The following ERCC5 variants were observed in gnomAD, a reference collection of about 807,000 sequenced individuals.
ERCC5 encodes the protein ERCC excision repair 5, endonuclease.
In ERCC5, 68 loss-of-function variants were observed where a neutral mutation model predicts 105.6. That is an observed-to-expected ratio of 0.64 (90% CI 0.53 to 0.79). The LOEUF (loss-of-function observed/expected upper bound fraction) is 0.79, where lower values mean the gene tolerates loss of function less well. Ranked by LOEUF, ERCC5 falls within the 30% of genes least tolerant of loss-of-function variation. ERCC5 has a pLI of 0.00. For missense variants in ERCC5, 1,373 were observed against 1,426.7 expected (o/e 0.96, Z 0.61); for synonymous variants, 546 against 526.2 (o/e 1.04, Z -0.51).
At chr13:102,863,219 G>C in intron 8 of ERCC5, 116 bp downstream of exon 8, 1 of 1,194,382 alleles carries the variant, frequency 8.4e-7, no homozygotes, top group South Asian at 1.4e-5. Context: ...AACGAGAGAC[G>C]TAGAAAGAAA....
chr13:102,861,586 A>T lies in ERCC5; in HGVS notation c.752A>T (p.Gln251Leu), dbSNP rs1221206176. Residue 251 changes from glutamine (Q) to leucine (L), a missense_variant, in exon 7 of 15, where the codon CAA becomes CTA. By Grantham distance (113) the Gln-to-Leu change is moderately radical. Around this residue, in one of 3 missense-constraint regions of ERCC5, gnomAD observed 1,004 missense variants for 1,059.7 expected, o/e 0.95. Coordinates refer to ENST00000652225, the MANE Select transcript of ERCC5 (RefSeq NM_000123.4). ...CTGAACCAGCATATAGAACATGTCCAAAAGGAAATGAATCAGCAACATTCA... is the reference window on the plus strand; with the variant it reads ...CTGAACCAGCATATAGAACATGTCCTAAAGGAAATGAATCAGCAACATTCA... ...NYLNQHIEHVQKEMNQQHSGH... is the reference protein window; with the variant it reads ...NYLNQHIEHVLKEMNQQHSGH... The T allele has an allele frequency of 6.2e-7, 1 of 1,614,192 alleles. No individual in the cohort carries two copies. Among genetic ancestry groups the T allele is most frequent in the South Asian group, 1.1e-5 (1 of 91,084 alleles).
At chr13:102,854,860 C>A (rs1271026035) in intron 4 of ERCC5, among the ~76,000 whole-genome samples, 5 of 152,218 alleles carry the variant, frequency 3.3e-5, no homozygotes, top group Admixed American at 6.5e-5. Flanking sequence ...GCTTTCTGCT[C>A]AGCCTCTCTG....
chr13:102,867,972 A>G (rs1339117404), intron 11 of ERCC5, 141 bp from the exon 12 acceptor site: 1 of 868,276 alleles, frequency 1.2e-6, no homozygotes, highest in Non-Finnish European at 1.7e-6. Context: ...GAATAAAATA[A>G]TTTATTTTCA....
rs1178939397 is a variant in ERCC5, at chr13:102,861,809, T to A, written c.880+95T>A. 4.1e-6 allele frequency: 6 copies of A among 1,469,878 alleles called. No individual in the cohort carries two copies. In the Middle Eastern group the frequency reaches 5.5e-4, roughly 135 times the overall value. The allele number at this position is 1,469,878 out of a possible 1,614,324, so 91.1% of individuals were successfully genotyped here. A position where few individuals can be genotyped will look rare whatever the true frequency, so the allele number is the denominator to read the frequency against. On this transcript the variant is annotated intron_variant, in intron 7 of 14. Transcript: ENST00000652225. The stretch of plus-strand genomic sequence containing the variant: ...AACTAGCACCCCTGGATAATATTAA[T>A]GAAATTCTATTTATGTAATAACTGT...
At position 102,858,410 on chromosome 13, in the gene ERCC5, A is replaced by C; in HGVS notation, c.664A>C (p.Met222Leu). The C allele has an allele frequency of 6.2e-7, 1 of 1,614,140 alleles. No homozygotes were observed. Among genetic ancestry groups the C allele is most frequent in the Non-Finnish European group, 8.5e-7 (1 of 1,179,990 alleles). ...GCGCAGAAGAACATTATTTGAAGCA[A>C]TGCCAGAGGTGAAATATGCAACAGT... ...TKRRRTLFEA[M>L]PEESDDFSQY... Residue 222 changes from methionine (M) to leucine (L), a missense_variant, in exon 6 of 15, where the codon ATG (methionine) becomes CTG (leucine). Coordinates refer to ENST00000652225, the MANE Select transcript of ERCC5 (RefSeq NM_000123.4).
In ERCC5 at chr13:102,865,663, A is replaced by G. The variant is rs1419158080; in HGVS notation, c.1955-4A>G. Reference sequence around the variant, plus strand: ...GATGAAGTGACCTTTTAATTTTGGTACAGGAAGTTTCATTGAAGTGCAAAG... The same window carrying G: ...GATGAAGTGACCTTTTAATTTTGGTGCAGGAAGTTTCATTGAAGTGCAAAG... On this transcript the variant is annotated splice_polypyrimidine_tract_variant and splice_region_variant and intron_variant, in intron 8 of 14. Transcript: ENST00000652225. The surrounding 1 kb of genome is among the most constrained non-coding windows in gnomAD (Gnocchi z 4.0). The G allele has an allele frequency of 1.2e-6, 2 of 1,613,424 alleles. No homozygotes were observed. The highest frequency in any genetic ancestry group is 1.1e-5 in the South Asian group (1 of 90,960).
Position 102,864,126 on chromosome 13 carries a change from C to CCACACACACACACACACACACA in ERCC5, c.1954+1042_1954+1063dup, listed in dbSNP as rs10647676. Among the ~76,000 whole-genome samples the CCACACACACACACACACACACA allele has an allele frequency of 5.0e-5, 7 of 140,976 alleles. No individual in the cohort carries two copies. The East Asian group carries it at 8.6e-4, about 17-fold the overall frequency. The allele number at this position is 140,976 out of a possible 152,430, so 92.5% of individuals were successfully genotyped here. A position where few individuals can be genotyped will look rare whatever the true frequency, so the allele number is the denominator to read the frequency against. On this transcript the variant is annotated intron_variant, in intron 8 of 14. Coordinates refer to ENST00000652225, the MANE Select transcript of ERCC5 (RefSeq NM_000123.4). ...TGGCCACTTTGAATAAGAGAATCAA[C>CCACACACACACACACACACACA]CACACACACACACACACACACACAC...
chr13:102,875,766 G>C lies in ERCC5; in HGVS notation c.3424G>C (p.Gly1142Arg), dbSNP rs373398147. ...GAAGGAAGCTCCCGTGAAGAATGGAGGTGCGACCACCAGCAGCTCTAGTGA... is the reference window on the plus strand; with the variant it reads ...GAAGGAAGCTCCCGTGAAGAATGGACGTGCGACCACCAGCAGCTCTAGTGA... ...SVKEAPVKNGGATTSSSSDSD... is the reference protein window; with the variant it reads ...SVKEAPVKNGRATTSSSSDSD... The change falls in exon 15 of 15, where the codon GGT becomes CGT. Residue 1142 changes from glycine to arginine, a missense_variant. Physicochemically the swap from Gly to Arg is moderately radical, Grantham distance 125. Coordinates refer to ENST00000652225, the MANE Select transcript of ERCC5 (RefSeq NM_000123.4). 1 of 1,614,004 alleles carries C rather than the reference G, an allele frequency of 6.2e-7. No homozygotes were observed. Among genetic ancestry groups the C allele is most frequent in the Non-Finnish European group, 8.5e-7 (1 of 1,180,026 alleles).
At chr13:102,868,919 G>T (rs1426851987) in intron 12 of ERCC5, among the ~76,000 whole-genome samples, 2 of 152,114 alleles carry the variant, frequency 1.3e-5, no homozygotes, top group Non-Finnish European at 2.9e-5. Flanking sequence ...GTCCTTGATG[G>T]CATCTTTTTA....
At chr13:102,850,215 C>T (rs556587784) in intron 1 of ERCC5, among the ~76,000 whole-genome samples, 2 of 152,240 alleles carry the variant, frequency 1.3e-5, no homozygotes, top group African/African-American at 2.4e-5. Flanking sequence ...TGTGAGCTAC[C>T]GCACTCGGCC....
At chr13:102,874,799 C>T (rs4150380) in intron 14 of ERCC5, 144,461 of 158,298 alleles carry the variant, frequency 0.91, 66,253 homozygotes, top group African/African-American at 0.97. Context: ...GGGTTACAGG[C>T]GTGAGCCACC....
chr13:102,869,495 C>T (rs191695229), intron 12 of ERCC5, among the ~76,000 whole-genome samples: 2 of 152,026 alleles, frequency 1.3e-5, no homozygotes, highest in Non-Finnish European at 2.9e-5. Flanking sequence ...TATGTATACT[C>T]ATTTGAGTGT....
chr13:102,870,750 T>TAG (rs1166154523), intron 12 of ERCC5, among the ~76,000 whole-genome samples: 1 of 152,186 alleles, frequency 6.6e-6, no homozygotes, highest in Non-Finnish European at 1.5e-5. Flanking sequence ...TTTCCAACGC[T>TAG]AGATGGCACT....
At chr13:102,867,216 A>G (rs1320302593) in intron 11 of ERCC5, among the ~76,000 whole-genome samples, 1 of 152,206 alleles carries the variant, frequency 6.6e-6, no homozygotes, top group Non-Finnish European at 1.5e-5. Flanking sequence ...TGACTCCTAT[A>G]TGCCAGTTGT....
At chr13:102,875,031 C>T (rs1883163418) in intron 14 of ERCC5, among the ~76,000 whole-genome samples, 1 of 152,144 alleles carries the variant, frequency 6.6e-6, no homozygotes, top group Admixed American at 6.5e-5. Flanking sequence ...ATATTTAACG[C>T]TCTTTGAATA....
intron 2 of ERCC5, among the ~76,000 whole-genome samples, chr13:102,853,164 A>G (rs1882269115): frequency 6.6e-6 from 1 of 152,196 alleles, no homozygotes; most frequent in Non-Finnish European, 1.5e-5. Flanking sequence ...GTTTTCAGTT[A>G]CCCAAGGCAT....
chr13:102,862,075 C>T lies in ERCC5; in HGVS notation c.926C>T (p.Pro309Leu), dbSNP rs1882641301. The change falls in exon 8 of 15, where the codon CCT (proline) becomes CTT (leucine). Residue 309 changes from proline to leucine, a missense_variant. Coordinates refer to ENST00000652225, the MANE Select transcript of ERCC5 (RefSeq NM_000123.4). The stretch of plus-strand genomic sequence containing the variant: ...GCAGAAGTGGATTCAGAGTCTCTTC[C>T]TTCTTCCAGCAAAATGCACGGCATG... ...TVAEVDSESL[P>L]SSSKMHGMSF... is the part of the protein sequence containing the mutation. 11 of 1,614,206 alleles carry T rather than the reference C, an allele frequency of 6.8e-6. No individual in the cohort carries two copies. The highest frequency in any genetic ancestry group is 8.5e-6 in the Non-Finnish European group (10 of 1,180,038).
intron 14 of ERCC5, among the ~76,000 whole-genome samples, chr13:102,875,043 C>G (rs903590111): frequency 2.0e-5 from 3 of 152,122 alleles, no homozygotes; most frequent in Non-Finnish European, 4.4e-5. Context: ...CTTTGAATAT[C>G]TTAGGAAGAG....
Position 102,875,545 on chromosome 13 carries a change from C to G in ERCC5, c.3203C>G (p.Ser1068Ter), listed in dbSNP as rs1883189514. 1 of 1,613,302 alleles carries G rather than the reference C, an allele frequency of 6.2e-7. No homozygotes were observed. Among genetic ancestry groups the G allele is most frequent in the African/African-American group, 1.3e-5 (1 of 74,928 alleles). The change falls in exon 15 of 15, where the codon TCA (serine) becomes TGA (stop). Residue 1068 changes from serine (S) to a stop codon, truncating the protein, a stop_gained. Coordinates refer to ENST00000652225, the MANE Select transcript of ERCC5 (RefSeq NM_000123.4). LOFTEE classifies it low-confidence loss of function (END_TRUNC). ...RGITNTLEES[S>*]SLKRKRLSDS... The stretch of plus-strand genomic sequence containing the variant: ...ATAACAAATACCTTAGAAGAGTCAT[C>G]AAGCCTGAAAAGAAAGAGGCTTTCA...
Sources: allele counts gnomAD v4.1 joint callset (sites outside exome capture counted in the v4.1 genomes callset), GRCh38; gene constraint gnomAD v4.1.1; regional missense constraint gnomAD v4.1.1; non-coding constraint Gnocchi (gnomAD v3.1); transcripts MANE v1.5; gene names NCBI Gene and HGNC (gene_info 2026-07-23, HGNC 2026-07-21).